The following MAP3K5 variants were observed in gnomAD, a reference collection of about 807,000 sequenced individuals.
MAP3K5 encodes the protein mitogen-activated protein kinase kinase kinase 5, also known as ASK-1.
MAP3K5 carries 56 observed loss-of-function variants against 158.7 expected under a neutral mutation model. The ratio of observed to expected loss-of-function variants is 0.35; its 90% CI spans 0.28 to 0.44. The LOEUF (loss-of-function observed/expected upper bound fraction) is 0.44. Ranked by LOEUF, MAP3K5 falls within the 20% of genes least tolerant of loss-of-function variation. The pLI is 1.00. For missense variants in MAP3K5, 1,294 were observed against 1,674.8 expected, an observed-to-expected ratio of 0.77 and a Z score of 3.97; for synonymous variants, 579 against 601.7, an observed-to-expected ratio of 0.96 and a Z score of 0.55.
rs531507748 is a variant in MAP3K5 at position 136,778,254 on chromosome 6, TA to T, written c.448+13455del. Among the ~76,000 whole-genome samples the T allele has an allele frequency of 3.3e-5, 5 of 152,194 alleles. No homozygotes were observed. In the East Asian group the frequency reaches 5.8e-4, roughly 18 times the overall value. On this transcript the variant is annotated intron_variant, in intron 1 of 29. Transcript: ENST00000359015. Reference sequence around the variant, plus strand: ...ATTTTCATTATGATACTGATTTCATTAAAAAAATAAGTGGGGGTCTAATGCA... The same window carrying T: ...ATTTTCATTATGATACTGATTTCATTAAAAAATAAGTGGGGGTCTAATGCA...
intron 14 of MAP3K5, 173 bp downstream of exon 14, chr6:136,637,152 T>C: frequency 7.2e-7 from 1 of 1,387,158 alleles, no homozygotes; most frequent in South Asian, 1.5e-5. Context: ...TTCTCCAATG[T>C]TTACTTTTTA....
At chr6:136,759,761 A>ATTTT (rs11317822) in intron 1 of MAP3K5, among the ~76,000 whole-genome samples, 1 of 99,930 alleles carries the variant, frequency 1.0e-5, no homozygotes, top group African/African-American at 4.2e-5. Flanking sequence ...CCAGCCCTCT[A>ATTTT]TTTTTTTTTT....
At chr6:136,693,614 T>C (rs1780479920) in intron 7 of MAP3K5, among the ~76,000 whole-genome samples, 3 of 152,038 alleles carry the variant, frequency 2.0e-5, no homozygotes, top group Admixed American at 2.0e-4. Context: ...TTTAAAATTA[T>C]ATTTCTTAAA....
chr6:136,768,629 G>C (rs1784054349), intron 1 of MAP3K5, among the ~76,000 whole-genome samples: 1 of 152,184 alleles, frequency 6.6e-6, no homozygotes, highest in South Asian at 2.1e-4. Flanking sequence ...AAAATGGCTT[G>C]GTGGCCAGGC....
At chr6:136,721,362 G>C (rs974236278) in intron 1 of MAP3K5, among the ~76,000 whole-genome samples, 2 of 151,344 alleles carry the variant, frequency 1.3e-5, no homozygotes, top group Admixed American at 6.6e-5. Context: ...GTAAGTCCCT[G>C]GTAAGTATAA....
At position 136,631,522 on chromosome 6, in the gene MAP3K5, T is replaced by C. The variant is rs1036638043; in HGVS notation, c.2016+5803A>G. On this transcript the variant is annotated intron_variant, in intron 14 of 29. Coordinates refer to ENST00000359015, the MANE Select transcript of MAP3K5 (RefSeq NM_005923.4). ...AAATAATGTCACTTTTTTTTTTCTT[T>C]TTTTTTTTTAGACAGGGTCTGGCTC... 4.0e-3 allele frequency among the ~76,000 whole-genome samples: 610 copies of C among 151,792 alleles called. 5 individuals are homozygous for C. The highest frequency in any genetic ancestry group is 0.014 in the African/African-American group (582 of 41,404).
At chr6:136,605,466 T>G (rs1411697728) in intron 18 of MAP3K5, 100 bp from the exon 19 acceptor site, 1 of 958,626 alleles carries the variant, frequency 1.0e-6, no homozygotes, top group Non-Finnish European at 1.5e-6. Context: ...ATGAGACAAC[T>G]GTAAAAACAT....
intron 1 of MAP3K5, among the ~76,000 whole-genome samples, chr6:136,752,878 C>A (rs1038219726): frequency 2.6e-5 from 4 of 152,208 alleles, no homozygotes; most frequent in Admixed American, 6.5e-5. Context: ...GTGCAAAGGT[C>A]AGCTTTTAGA....
At chr6:136,742,195 TGAA>T (rs989115672) in intron 1 of MAP3K5, among the ~76,000 whole-genome samples, 10 of 152,248 alleles carry the variant, frequency 6.6e-5, no homozygotes, top group Middle Eastern at 3.4e-3. Context: ...AACACAATAT[TGAA>T]GAAGAACAAA....
At chr6:136,611,466 A>T (rs1046218625) in intron 17 of MAP3K5, 79 bp from the exon 18 acceptor site, 18 of 250,622 alleles carry the variant, frequency 7.2e-5, no homozygotes, top group Admixed American at 2.1e-4. Context: ...AGTCCAATTT[A>T]AAAAAAAAAA....
intron 18 of MAP3K5, among the ~76,000 whole-genome samples, chr6:136,607,866 T>C (rs750470214): frequency 5.8e-4 from 89 of 152,272 alleles, no homozygotes; most frequent in Admixed American, 3.3e-4. Flanking sequence ...AGATGATAAA[T>C]TATCAGCACA....
chr6:136,705,093 T>C lies in MAP3K5; in HGVS notation c.612+17A>G. On this transcript the variant is annotated intron_variant, in intron 3 of 29. Transcript: ENST00000359015. The stretch of plus-strand genomic sequence containing the variant: ...AAAATATTTTTAAAACTCTGGAAGG[T>C]TAAATAAAGTACTCACAGTATTCTT... The C allele has an allele frequency of 8.6e-7, 1 of 1,157,094 alleles. No individual in the cohort carries two copies. Among genetic ancestry groups the C allele is most frequent in the South Asian group, 1.5e-5 (1 of 68,514 alleles). The allele number at this position is 1,157,094 out of a possible 1,614,324, so 71.7% of individuals were successfully genotyped here.
chr6:136,576,483 T>C (rs1034884116), intron 25 of MAP3K5, among the ~76,000 whole-genome samples: 1 of 152,130 alleles, frequency 6.6e-6, no homozygotes, highest in Non-Finnish European at 1.5e-5. Flanking sequence ...TTTATTTTTA[T>C]TTTTTTAGAG....
chr6:136,643,980 G>C (rs1368944942), intron 11 of MAP3K5, among the ~76,000 whole-genome samples: 1 of 152,160 alleles, frequency 6.6e-6, no homozygotes, highest in Non-Finnish European at 1.5e-5. Context: ...CTTATCCTCA[G>C]AGCCTGCAGC....
chr6:136,673,000 AAAAAAG>A (rs1449220113), intron 7 of MAP3K5, among the ~76,000 whole-genome samples: 2 of 151,360 alleles, frequency 1.3e-5, no homozygotes, highest in Non-Finnish European at 1.5e-5. Flanking sequence ...AAAAAAAAAA[AAAAAAG>A]AAAAAGAAAA....
At chr6:136,577,969 C>A (rs1212041234) in intron 25 of MAP3K5, among the ~76,000 whole-genome samples, 1 of 151,998 alleles carries the variant, frequency 6.6e-6, no homozygotes, top group East Asian at 1.9e-4. Flanking sequence ...GTAAACAGAT[C>A]ATTTATATGC....
intron 7 of MAP3K5, among the ~76,000 whole-genome samples, chr6:136,693,718 G>T (rs559366587): frequency 6.6e-6 from 1 of 151,996 alleles, no homozygotes; most frequent in African/African-American, 2.4e-5. Context: ...AGATTGGCCC[G>T]GTGGCTCACG....
intron 11 of MAP3K5, chr6:136,648,080 CT>C (rs1330397915): frequency 6.6e-6 from 1 of 152,204 alleles, no homozygotes; most frequent in Non-Finnish European, 1.5e-5. Context: ...AGTCTTCCCT[CT>C]ATTTACTGCA....
chr6:136,614,467 G>C (rs1776474905), intron 15 of MAP3K5, among the ~76,000 whole-genome samples, 181 bp from the exon 16 acceptor site: 1 of 149,828 alleles, frequency 6.7e-6, no homozygotes, highest in African/African-American at 2.6e-5. Context: ...GGTAGGATCT[G>C]AGGGGAAATG....
Sources: allele counts gnomAD v4.1 joint callset (sites outside exome capture counted in the v4.1 genomes callset), GRCh38; gene constraint gnomAD v4.1.1; transcripts MANE v1.5; gene names NCBI Gene and HGNC (gene_info 2026-07-23, HGNC 2026-07-21).